TSHZ2: variants seen among roughly 807,000 people sequenced by gnomAD.
The protein encoded by TSHZ2 is teashirt homolog 2.
TSHZ2 carries 21 observed loss-of-function variants against 74.4 expected under a neutral mutation model. The ratio of observed to expected loss-of-function variants is 0.28; its 90% CI spans 0.20 to 0.41. TSHZ2 has a LOEUF of 0.41. Among genes scored for constraint, TSHZ2 ranks in the 10% least tolerant of loss-of-function variants. The pLI is 1.00. For missense variants in TSHZ2, 1,244 were observed against 1,293.5 expected, an observed-to-expected ratio of 0.96 and a Z score of 0.59; for synonymous variants, 540 against 515.3, an observed-to-expected ratio of 1.05 and a Z score of -0.65.
At chr20:53,283,606 G>A (rs574675325) in intron 2 of TSHZ2, among the ~76,000 whole-genome samples, 116 of 152,286 alleles carry the variant, frequency 7.6e-4, no homozygotes, top group Non-Finnish European at 1.0e-3. Flanking sequence ...ATAGTAAGAA[G>A]AATAAACATA....
At chr20:53,237,238 A>G (rs1848839377) in intron 1 of TSHZ2, among the ~76,000 whole-genome samples, 2 of 152,212 alleles carry the variant, frequency 1.3e-5, no homozygotes, top group African/African-American at 4.8e-5. Flanking sequence ...TTCACAGCAG[A>G]ATAAGGTCAG....
chr20:53,471,916 C>T (rs1235172958), intron 2 of TSHZ2, among the ~76,000 whole-genome samples: 2 of 150,500 alleles, frequency 1.3e-5, no homozygotes, highest in African/African-American at 4.9e-5. Context: ...AGCGATTCTC[C>T]TGCCTCAGCC....
At position 53,384,807 on chromosome 20, in the gene TSHZ2, A is replaced by G. The variant is rs1320054412; in HGVS notation, c.*9-102337A>G. Reference sequence around the variant, plus strand: ...ATGTCTAAGTCTACAATTAAATGACATTGTACTTTCTCATTTTAAAACATA... The same window carrying G: ...ATGTCTAAGTCTACAATTAAATGACGTTGTACTTTCTCATTTTAAAACATA... On this transcript the variant is annotated intron_variant, in intron 2 of 2. Coordinates refer to ENST00000371497, the MANE Select transcript of TSHZ2 (RefSeq NM_173485.6). 2.6e-5 allele frequency among the ~76,000 whole-genome samples: 4 copies of G among 152,348 alleles called. No individual in the cohort carries two copies. In the East Asian group the frequency reaches 7.7e-4, roughly 29 times the overall value.
intron 2 of TSHZ2, among the ~76,000 whole-genome samples, chr20:53,391,151 T>TTTGG (rs1982238448): frequency 1.9e-4 from 29 of 151,054 alleles, no homozygotes; most frequent in African/African-American, 4.2e-4. Context: ...TTTTGTTTTG[T>TTTGG]TTTGGTTTGG....
intron 1 of TSHZ2, among the ~76,000 whole-genome samples, chr20:53,094,561 A>G (rs1985981781): frequency 6.6e-6 from 1 of 152,132 alleles, no homozygotes; most frequent in African/African-American, 2.4e-5. Flanking sequence ...GCGATTTTCA[A>G]ATTTACCCAA....
At chr20:52,994,243 C>T (rs1308187476) in intron 1 of TSHZ2, among the ~76,000 whole-genome samples, 1 of 152,088 alleles carries the variant, frequency 6.6e-6, no homozygotes, top group Non-Finnish European at 1.5e-5. Context: ...AGAATAACGT[C>T]CGGAAGAAGG....
chr20:53,218,062 G>T (rs141365658), intron 1 of TSHZ2, among the ~76,000 whole-genome samples: 1 of 152,324 alleles, frequency 6.6e-6, no homozygotes, highest in East Asian at 1.9e-4. Context: ...GAAAGCCGAG[G>T]CTCCTTTGAA....
intron 2 of TSHZ2, among the ~76,000 whole-genome samples, chr20:53,337,801 TTAAGC>T (rs1244261402): frequency 1.3e-5 from 2 of 152,334 alleles, no homozygotes; most frequent in African/African-American, 4.8e-5. Flanking sequence ...TTTAAAGTGT[TTAAGC>T]TAAAATGGAA....
intron 1 of TSHZ2, among the ~76,000 whole-genome samples, chr20:53,184,330 T>C (rs1259070645): frequency 6.6e-6 from 1 of 152,216 alleles, no homozygotes; most frequent in Non-Finnish European, 1.5e-5. Context: ...AATGCAGTGG[T>C]GAACAAAACC....
At chr20:53,040,610 C>G (rs1239173237) in intron 1 of TSHZ2, among the ~76,000 whole-genome samples, 3 of 151,980 alleles carry the variant, frequency 2.0e-5, no homozygotes, top group Non-Finnish European at 4.4e-5. Context: ...GTGTTCTTCC[C>G]TGTGCATTTT....
intron 1 of TSHZ2, among the ~76,000 whole-genome samples, chr20:53,056,334 A>G (rs1250184239): frequency 6.6e-6 from 1 of 152,216 alleles, no homozygotes; most frequent in African/African-American, 2.4e-5. Context: ...ACACTGAAAC[A>G]GGTGATGCCT....
intron 2 of TSHZ2, among the ~76,000 whole-genome samples, chr20:53,377,637 A>C (rs753483787): frequency 1.4e-4 from 21 of 152,182 alleles, no homozygotes; most frequent in Non-Finnish European, 2.6e-4. Context: ...AGGAGGGCGG[A>C]TCACTTTAGC....
intron 1 of TSHZ2, among the ~76,000 whole-genome samples, chr20:53,017,157 G>A (rs73284187): frequency 0.012 from 1,855 of 152,138 alleles, 42 homozygotes; most frequent in African/African-American, 0.043. Flanking sequence ...CTTTATGTGC[G>A]GTATCTCATT....
chr20:53,066,216 A>G (rs1490235763), intron 1 of TSHZ2, among the ~76,000 whole-genome samples: 2 of 152,054 alleles, frequency 1.3e-5, no homozygotes, highest in Non-Finnish European at 2.9e-5. Context: ...TTGAATCGCC[A>G]AACTCAAGGG....
chr20:53,323,563 C>CTTTTTTTTTTTTTT lies in TSHZ2; in HGVS notation c.*8+67011_*8+67024dup, dbSNP rs34687825. ...CACCCGTTTTCATTGCCTTGGAGGG[C>CTTTTTTTTTTTTTT]TTTTTTTTTTTTTTTTTTTTTTTTT... On this transcript the variant is annotated intron_variant, in intron 2 of 2. Transcript: ENST00000371497. Among the ~76,000 whole-genome samples, 39 of 36,678 alleles carry CTTTTTTTTTTTTTT rather than the reference C, an allele frequency of 1.1e-3. 11 individuals carry two copies. The highest frequency in any genetic ancestry group is 2.0e-3 in the African/African-American group (17 of 8,554). 24.1% of individuals were successfully genotyped at this position (36,678 alleles called of 152,430 possible).
At chr20:53,485,412 C>T (rs895917955) in intron 2 of TSHZ2, among the ~76,000 whole-genome samples, 3 of 151,988 alleles carry the variant, frequency 2.0e-5, no homozygotes, top group African/African-American at 4.8e-5. Flanking sequence ...GTAAACCTAA[C>T]GAAATGCATG....
At chr20:53,469,965 G>C (rs1351509064) in intron 2 of TSHZ2, among the ~76,000 whole-genome samples, 1 of 152,114 alleles carries the variant, frequency 6.6e-6, no homozygotes, top group African/African-American at 2.4e-5. Context: ...AGATATTACT[G>C]ATATATAACT....
chr20:53,147,773 G>A (rs960172418), intron 1 of TSHZ2, among the ~76,000 whole-genome samples: 1 of 152,210 alleles, frequency 6.6e-6, no homozygotes, highest in African/African-American at 2.4e-5. Context: ...CTGGTGTGCA[G>A]TGGTGCCATC....
At chr20:53,195,207 G>A (rs1485487501) in intron 1 of TSHZ2, among the ~76,000 whole-genome samples, 4 of 152,042 alleles carry the variant, frequency 2.6e-5, no homozygotes, top group African/African-American at 9.7e-5. Context: ...TGAATGAATG[G>A]GCGTGCTCAC....
Sources: allele counts gnomAD v4.1 joint callset (sites outside exome capture counted in the v4.1 genomes callset), GRCh38; gene constraint gnomAD v4.1.1; transcripts MANE v1.5; gene names NCBI Gene and HGNC (gene_info 2026-07-23, HGNC 2026-07-21).